Variants in LRP2BP observed in about 807,000 individuals in gnomAD.
The protein encoded by LRP2BP is LRP2-binding protein.
A neutral mutation model predicts 45.2 loss-of-function variants in LRP2BP; 38 were observed. That is an observed-to-expected ratio of 0.84 (90% confidence interval 0.65 to 1.10). The LOEUF (loss-of-function observed/expected upper bound fraction) is 1.10, where lower values mean the gene tolerates loss of function less well. Ranked by LOEUF, LRP2BP falls within the 50% of genes least tolerant of loss-of-function variation. The pLI, the probability that LRP2BP is intolerant of heterozygous loss-of-function variation, is 0.00. For missense variants in LRP2BP, 385 were observed against 418.9 expected (o/e 0.92, Z 0.71); for synonymous variants, 153 against 153.9 (o/e 0.99, Z 0.04).
At chr4:185,369,185 C>T (rs1223205185) in intron 8 of LRP2BP, among the ~76,000 whole-genome samples, 1 of 149,836 alleles carries the variant, frequency 6.7e-6, no homozygotes, top group Admixed American at 6.6e-5. Flanking sequence ...TAGGATAGAA[C>T]CTGAAATCGG....
chr4:185,376,375 T>C (rs1201853908), intron 3 of LRP2BP, among the ~76,000 whole-genome samples: 1 of 151,888 alleles, frequency 6.6e-6, no homozygotes, highest in African/African-American at 2.4e-5. Flanking sequence ...CCTCCTGGGT[T>C]CAAGCGATTC....
At position 185,370,733 on chromosome 4, in the gene LRP2BP, G is replaced by A; in HGVS notation, c.885C>T (p.Gly295=). The change falls in exon 8 of 9, where the codon GGC becomes GGT. Residue 295 remains glycine, a synonymous_variant. Coordinates refer to ENST00000505916, the MANE Select transcript of LRP2BP (RefSeq NM_001377440.1). ...TDCLPEFIGR[G]MAMASFYHAR... ...CGTGGTAGAAGGATGCCATTGCCATGCCTCTGCCGATGAACTCCGGGAGAC... is the reference window on the plus strand; with the variant it reads ...CGTGGTAGAAGGATGCCATTGCCATACCTCTGCCGATGAACTCCGGGAGAC... The A allele has an allele frequency of 6.2e-7, 1 of 1,614,112 alleles. No individual in the cohort carries two copies. Among genetic ancestry groups the A allele is most frequent in the Admixed American group, 1.7e-5 (1 of 60,010 alleles).
upstream of LRP2BP, chr4:185,396,717 C>T: frequency 3.4e-6 from 2 of 595,488 alleles, no homozygotes; most frequent in Non-Finnish European, 6.0e-6. Context: ...CGTGGCGGGG[C>T]TGGACAGGGT....
chr4:185,391,402 C>G (rs2126849476), intron 1 of LRP2BP, among the ~76,000 whole-genome samples: 1 of 152,314 alleles, frequency 6.6e-6, no homozygotes, highest in East Asian at 1.9e-4. Flanking sequence ...AGCCCACATT[C>G]AAGAAGGCGT....
At position 185,373,080 on chromosome 4, in the gene LRP2BP, C is replaced by T. The variant is rs1268876732; in HGVS notation, c.580-1G>A. 1.9e-6 allele frequency: 3 copies of T among 1,603,164 alleles called. No individual in the cohort carries two copies. In the African/African-American group the frequency reaches 4.0e-5, roughly 21 times the overall value. ...ATGCTTCGGAATGCCAGTAAAATGC[C>T]TAAGAAAAGCACAGTTTCATCATTG... On this transcript the variant is annotated splice_acceptor_variant, in intron 6 of 8. Transcript: ENST00000505916. LOFTEE classifies it high-confidence loss of function.
Position 185,370,682 on chromosome 4 carries a change from G to A in LRP2BP, c.936C>T (p.Gly312=). ...YHARCLQLGL[G]ITRDETTAKH... ...TAGCGGTTGTTTCATCCCTGGTGAT[G>A]CCCAAGCCAAGCTGAAGACACCTTG... is the stretch of plus-strand genomic sequence containing the variant. The change falls in exon 8 of 9, where the codon GGC becomes GGT. Residue 312 remains glycine, a synonymous_variant. Coordinates refer to ENST00000505916, the MANE Select transcript of LRP2BP (RefSeq NM_001377440.1). The A allele has an allele frequency of 1.2e-6, 2 of 1,614,018 alleles. No individual in the cohort carries two copies. Among genetic ancestry groups the A allele is most frequent in the South Asian group, 2.2e-5 (2 of 91,076 alleles).
rs1161756606 is a variant in LRP2BP at position 185,395,174 on chromosome 4, T to G, written c.-417A>C. 1.6e-5 allele frequency: 16 copies of G among 985,346 alleles called. No individual in the cohort carries two copies. Among genetic ancestry groups the G allele is most frequent in the Non-Finnish European group, 1.9e-5 (16 of 829,944 alleles). The allele number at this position is 985,346 out of a possible 1,614,324, so 61.0% of individuals were successfully genotyped here. A position where few individuals can be genotyped will look rare whatever the true frequency, so the allele number is the denominator to read the frequency against. Reference sequence around the variant, plus strand: ...AGCTGTAACGACTCCCCAAATTTCCTTTCCTTATGAAATTTACGTATGTAA... The same window carrying G: ...AGCTGTAACGACTCCCCAAATTTCCGTTCCTTATGAAATTTACGTATGTAA... On this transcript the variant is annotated 5_prime_UTR_variant, in exon 1 of 9. Coordinates refer to ENST00000505916, the MANE Select transcript of LRP2BP (RefSeq NM_001377440.1).
intron 5 of LRP2BP, 23 bp downstream of exon 5, chr4:185,374,296 A>G: frequency 6.2e-7 from 1 of 1,614,022 alleles, no homozygotes; most frequent in Non-Finnish European, 8.5e-7. Flanking sequence ...TTCAAACCTA[A>G]TCTTGTTCTC....
In LRP2BP at chr4:185,394,899, C is replaced by T. The variant is rs1373990728; in HGVS notation, c.-142G>A. 1.0e-6 allele frequency: 1 copy of T among 985,424 alleles called. No homozygotes were observed. Among genetic ancestry groups the T allele is most frequent in the Non-Finnish European group, 1.2e-6 (1 of 829,932 alleles). 61.0% of individuals were successfully genotyped at this position (985,424 alleles called of 1,614,324 possible). A position where few individuals can be genotyped will look rare whatever the true frequency, so the allele number is the denominator to read the frequency against. ...CTTAGGAGAACGCCTATAAAATATG[C>T]ATCTTAGATCATCTTCCGTTTTAGA... On this transcript the variant is annotated 5_prime_UTR_variant, in exon 1 of 9. The change abolishes an upstream ATG in the 5' untranslated region. Coordinates refer to ENST00000505916, the MANE Select transcript of LRP2BP (RefSeq NM_001377440.1).
chr4:185,391,306 G>A (rs1352551165), intron 1 of LRP2BP, among the ~76,000 whole-genome samples: 1 of 152,156 alleles, frequency 6.6e-6, no homozygotes, highest in African/African-American at 2.4e-5. Flanking sequence ...ACTGGCCATG[G>A]CAGCATCCAA....
At position 185,363,945 on chromosome 4, in the gene LRP2BP, A is replaced by C. The variant is rs996692292; in HGVS notation, c.*3235T>G. 6.5e-6 allele frequency: 1 copy of C among 153,842 alleles called. No homozygotes were observed. Among genetic ancestry groups the C allele is most frequent in the Admixed American group, 6.5e-5 (1 of 15,474 alleles). The allele number at this position is 153,842 out of a possible 1,614,324, so 9.5% of individuals were successfully genotyped here. On this transcript the variant is annotated 3_prime_UTR_variant, in exon 9 of 9. Transcript: ENST00000505916. This position sits in a 1 kb window ranked among gnomAD's most constrained non-coding sequence, Gnocchi z 4.2. ...GATTTCCCATAGTTTGAGCATTCAA[A>C]GCAATAAAATATAAAAATGAATCAC...
chr4:185,388,869 A>AAAT (rs56705155), intron 1 of LRP2BP, among the ~76,000 whole-genome samples: 1 of 151,840 alleles, frequency 6.6e-6, no homozygotes, highest in African/African-American at 2.4e-5. Flanking sequence ...CTTACTAATA[A>AAAT]AATAATAATA....
At chr4:185,371,540 TAAA>T (rs11288148) in intron 7 of LRP2BP, among the ~76,000 whole-genome samples, 1,412 of 78,268 alleles carry the variant, frequency 0.018, 27 homozygotes, top group African/African-American at 0.065. Context: ...AGACTCCGTC[TAAA>T]AAAAAAAAAA....
At chr4:185,380,156 C>G (rs984463928) in intron 1 of LRP2BP, among the ~76,000 whole-genome samples, 3 of 152,028 alleles carry the variant, frequency 2.0e-5, no homozygotes, top group Non-Finnish European at 4.4e-5. Flanking sequence ...GATGGATTTA[C>G]TGGGTATTTA....
At chr4:185,369,095 T>G (rs922978802) in intron 8 of LRP2BP, among the ~76,000 whole-genome samples, 1 of 149,918 alleles carries the variant, frequency 6.7e-6, no homozygotes, top group African/African-American at 2.5e-5. Context: ...TACCTGGACT[T>G]TTTTTGTTGT....
chr4:185,388,002 A>AG lies in LRP2BP; in HGVS notation c.-22+6776dup, dbSNP rs201556591. Among the ~76,000 whole-genome samples the AG allele has an allele frequency of 7.0e-3, 1,068 of 152,350 alleles. 8 individuals carry two copies. The highest frequency in any genetic ancestry group is 0.013 in the Non-Finnish European group (860 of 68,028). ...GAGCCCTCGACAGGAAAAGCGACGC[A>AG]GTAGGCCGAGGACAGGCCGGCCCTA... On this transcript the variant is annotated intron_variant, in intron 1 of 8. Transcript: ENST00000505916.
intron 4 of LRP2BP, 113 bp downstream of exon 4, chr4:185,375,500 A>ATATATATATATATATG (rs1280560276): frequency 1.6e-5 from 1 of 61,286 alleles, no homozygotes; most frequent in Non-Finnish European, 2.7e-5. Flanking sequence ...ATATATATAT[A>ATATATATATATATATG]TATATATATA....
At chr4:185,375,879 T>C (rs1176461218) in intron 3 of LRP2BP, among the ~76,000 whole-genome samples, 153 bp from the exon 4 acceptor site, 1 of 152,084 alleles carries the variant, frequency 6.6e-6, no homozygotes, top group Non-Finnish European at 1.5e-5. Context: ...TGAGGAAGCA[T>C]GCTCTCAGCC....
At chr4:185,387,682 T>C (rs931833564) in intron 1 of LRP2BP, among the ~76,000 whole-genome samples, 2 of 152,256 alleles carry the variant, frequency 1.3e-5, no homozygotes, top group Non-Finnish European at 2.9e-5. Context: ...ATACTGCCAT[T>C]GGCCACAGAT....
Sources: gnomAD v4.1 joint callset for allele counts (sites outside exome capture counted in the v4.1 genomes callset) on GRCh38, gnomAD v4.1.1 for gene constraint, Gnocchi (gnomAD v3.1) non-coding constraint, MANE v1.5 for transcripts, NCBI Gene and HGNC (gene_info 2026-07-23, HGNC 2026-07-21) for gene names.